Variants in RANBP2 observed in about 807,000 individuals in gnomAD.
The protein encoded by RANBP2 is RAN binding protein 2.
Under a neutral mutation model 303.6 loss-of-function variants are expected in RANBP2, and 57 were observed. The ratio of observed to expected loss-of-function variants is 0.19; its 90% CI spans 0.15 to 0.23. The LOEUF (loss-of-function observed/expected upper bound fraction) is 0.23. RANBP2 is among the 10% of genes least tolerant of loss of function. RANBP2 has a pLI of 1.00. For missense variants in RANBP2, 3,138 were observed against 3,780.8 expected, an observed-to-expected ratio of 0.83 and a Z score of 4.46; for synonymous variants, 1,167 against 1,301.5, an observed-to-expected ratio of 0.90 and a Z score of 2.23.
Position 108,783,588 on chromosome 2 carries a change from T to C in RANBP2, c.9370-8T>C. On this transcript the variant is annotated splice_polypyrimidine_tract_variant and splice_region_variant and intron_variant, in intron 28 of 28. Transcript: ENST00000283195. ...TTTTAACTTTTTTATTATAAATCTT[T>C]TTTTCAGGGAGGAGATATCACCAAA... 2.5e-6 allele frequency: 4 copies of C among 1,596,634 alleles called. No homozygotes were observed. The highest frequency in any genetic ancestry group is 8.5e-7 in the Non-Finnish European group (1 of 1,170,706).
At chr2:109,626,965 G>T in the RANBP2 span, among the ~76,000 whole-genome samples, 8 of 152,114 alleles carry the variant, frequency 5.3e-5, no homozygotes, top group Non-Finnish European at 8.8e-5. Context: ...GCTCAGACTT[G>T]TGGTGGAGGC....
the RANBP2 span, among the ~76,000 whole-genome samples, chr2:109,527,947 A>G: frequency 6.6e-6 from 1 of 152,136 alleles, no homozygotes; most frequent in Non-Finnish European, 1.5e-5. Context: ...CTGGAGGGCG[A>G]GGAGGATGTG....
At chr2:109,039,329 A>T in the RANBP2 span, among the ~76,000 whole-genome samples, 3 of 152,052 alleles carry the variant, frequency 2.0e-5, no homozygotes, top group African/African-American at 7.2e-5. Flanking sequence ...TTCTCCAGCA[A>T]GCCCTAATAC....
chr2:108,774,202 T>C (rs1216579013), intron 23 of RANBP2, among the ~76,000 whole-genome samples: 2 of 152,228 alleles, frequency 1.3e-5, no homozygotes, highest in African/African-American at 2.4e-5. Flanking sequence ...AATTTTGTTA[T>C]GTGGTTGCAT....
At chr2:108,825,331 G>A in the RANBP2 span, among the ~76,000 whole-genome samples, 1 of 151,962 alleles carries the variant, frequency 6.6e-6, no homozygotes, top group South Asian at 2.1e-4. Context: ...ACATATACAA[G>A]TAGCATTTTA....
chr2:109,004,797 C>T, the RANBP2 span, among the ~76,000 whole-genome samples: 1 of 152,162 alleles, frequency 6.6e-6, no homozygotes, highest in African/African-American at 2.4e-5. Flanking sequence ...CCTATCACTG[C>T]TTCAAATCAG....
At chr2:108,737,807 A>G (rs1263497837) in intron 6 of RANBP2, among the ~76,000 whole-genome samples, 7 of 132,780 alleles carry the variant, frequency 5.3e-5, no homozygotes, top group Non-Finnish European at 1.1e-4. Context: ...TCTGCCTGCC[A>G]GGTTCATGCC....
At chr2:109,309,883 T>A in the RANBP2 span, among the ~76,000 whole-genome samples, 2 of 115,650 alleles carry the variant, frequency 1.7e-5, no homozygotes, top group Non-Finnish European at 1.7e-5. Context: ...CTCCCACACA[T>A]TAATAATGGG....
At chr2:108,850,603 C>G in the RANBP2 span, among the ~76,000 whole-genome samples, 2 of 152,090 alleles carry the variant, frequency 1.3e-5, no homozygotes, top group Admixed American at 1.3e-4. Flanking sequence ...AGGCACGCAC[C>G]ACCACACCCT....
chr2:109,550,230 C>T, the RANBP2 span, among the ~76,000 whole-genome samples: 1 of 151,280 alleles, frequency 6.6e-6, no homozygotes, highest in African/African-American at 2.4e-5. Context: ...GCCAAGGTTG[C>T]GGTAAGCTGA....
the RANBP2 span, among the ~76,000 whole-genome samples, chr2:109,110,381 T>C: frequency 3.3e-4 from 51 of 152,282 alleles, no homozygotes; most frequent in Non-Finnish European, 6.5e-4. Flanking sequence ...CTACCATCAT[T>C]GGAACTTGGC....
At chr2:109,291,104 C>T in the RANBP2 span, among the ~76,000 whole-genome samples, 2 of 152,130 alleles carry the variant, frequency 1.3e-5, no homozygotes, top group Non-Finnish European at 2.9e-5. Flanking sequence ...GTGTCCAGAA[C>T]CAGTCACTTA....
chr2:109,629,235 T>TAAATAAATAAATAAATAAA, the RANBP2 span, among the ~76,000 whole-genome samples: 16 of 138,094 alleles, frequency 1.2e-4, no homozygotes, highest in South Asian at 2.3e-4. Context: ...AATAAATAAA[T>TAAATAAATAAATAAATAAA]AAAATGCTTA....
the RANBP2 span, among the ~76,000 whole-genome samples, chr2:109,098,108 A>G: frequency 1.3e-5 from 2 of 152,158 alleles, no homozygotes; most frequent in East Asian, 1.9e-4. Flanking sequence ...TCAGGACTCT[A>G]TCACAGTTGT....
the RANBP2 span, chr2:108,798,696 C>G: frequency 2.9e-6 from 2 of 686,546 alleles, no homozygotes; most frequent in Non-Finnish European, 4.8e-6. Context: ...CCTTCCTCCT[C>G]CTCTCCACGC....
At chr2:109,188,488 C>T in the RANBP2 span, among the ~76,000 whole-genome samples, 1 of 152,206 alleles carries the variant, frequency 6.6e-6, no homozygotes, top group African/African-American at 2.4e-5. Context: ...TTTGTGTTGT[C>T]CCTGGGTTTG....
the RANBP2 span, among the ~76,000 whole-genome samples, chr2:109,664,265 G>A: frequency 3.9e-5 from 6 of 152,268 alleles, no homozygotes; most frequent in East Asian, 1.2e-3. Flanking sequence ...CACCTTAAAT[G>A]TTACCAGCCA....
chr2:109,066,861 T>G, the RANBP2 span, among the ~76,000 whole-genome samples: 1 of 152,036 alleles, frequency 6.6e-6, no homozygotes, highest in African/African-American at 2.4e-5. Context: ...CCCCAAAGGT[T>G]CCAAGAACCC....
At chr2:109,523,332 C>T in the RANBP2 span, among the ~76,000 whole-genome samples, 1 of 152,116 alleles carries the variant, frequency 6.6e-6, no homozygotes, top group Non-Finnish European at 1.5e-5. Context: ...GAGAGCTGTC[C>T]AGGCTGGAAG....
Sources: gnomAD v4.1 joint callset for allele counts (sites outside exome capture counted in the v4.1 genomes callset) on GRCh38, gnomAD v4.1.1 for gene constraint, MANE v1.5 for transcripts, NCBI Gene and HGNC (gene_info 2026-07-23, HGNC 2026-07-21) for gene names.